The following CFAP221 variants were observed in gnomAD, a reference collection of about 807,000 sequenced individuals.
The protein encoded by CFAP221 is cilia and flagella associated protein 221.
In CFAP221, 97 loss-of-function variants were observed where a neutral mutation model predicts 113.1. The ratio of observed to expected loss-of-function variants is 0.86; its 90% CI spans 0.73 to 1.02. The LOEUF is 1.02. Among genes scored for constraint, CFAP221 ranks in the 50% least tolerant of loss-of-function variants. CFAP221 has a pLI of 0.00. For missense variants in CFAP221, 1,025 were observed against 1,013.4 expected (o/e 1.01, Z -0.16); for synonymous variants, 331 against 354.4 (o/e 0.93, Z 0.74).
chr2:119,572,846 C>A, intron 6 of CFAP221: 1 of 388,652 alleles, frequency 2.6e-6, no homozygotes, highest in Non-Finnish European at 4.6e-6. Context: ...GCTCTGTAGC[C>A]TGCAGGGCCA....
chr2:119,575,309 C>T (rs570407988), intron 6 of CFAP221, among the ~76,000 whole-genome samples: 19 of 152,236 alleles, frequency 1.2e-4, no homozygotes, highest in African/African-American at 2.4e-4. Context: ...GCCAGCTCGC[C>T]GTGTTCTCGG....
intron 12 of CFAP221, 109 bp from the exon 13 acceptor site, chr2:119,611,544 G>A (rs565468855): frequency 7.1e-6 from 6 of 844,994 alleles, no homozygotes; most frequent in South Asian, 3.5e-5. Context: ...CAATGGGAAC[G>A]TCGTGGGTGG....
chr2:119,628,131 C>G (rs895244489), intron 16 of CFAP221, among the ~76,000 whole-genome samples: 1 of 152,194 alleles, frequency 6.6e-6, no homozygotes, highest in Non-Finnish European at 1.5e-5. Context: ...GAGGCAGGCT[C>G]TGCTCAGCTT....
chr2:119,609,524 T>TA (rs1332167262), intron 12 of CFAP221, among the ~76,000 whole-genome samples: 3 of 152,148 alleles, frequency 2.0e-5, no homozygotes, highest in Non-Finnish European at 4.4e-5. Flanking sequence ...CTTCTCCTCA[T>TA]ATCTTCATGT....
At position 119,562,014 on chromosome 2, in the gene CFAP221, G is replaced by A; in HGVS notation, c.427G>A (p.Gly143Arg). 6.5e-7 allele frequency: 1 copy of A among 1,530,462 alleles called. No homozygotes were observed. Among genetic ancestry groups the A allele is most frequent in the Non-Finnish European group, 8.7e-7 (1 of 1,143,516 alleles). The allele number at this position is 1,530,462 out of a possible 1,614,324, so 94.8% of individuals were successfully genotyped here. A position where few individuals can be genotyped will look rare whatever the true frequency, so the allele number is the denominator to read the frequency against. The stretch of plus-strand genomic sequence containing the variant: ...CTTGACTTTTTCTGGTTAATTTTAG[G>A]GAGATGACACTTTGCTTGTTCCTAT... ...YYDCIRVHCK[G>R]DDTLLVPIHA... Residue 143 changes from glycine (G) to arginine (R), a missense_variant and splice_region_variant, in exon 6 of 24, where the codon GGA (glycine) becomes AGA (arginine). Gly to Arg is a moderately radical substitution (Grantham distance 125, BLOSUM62 -2). Coordinates refer to ENST00000413369, the MANE Select transcript of CFAP221 (RefSeq NM_001271049.2).
intron 7 of CFAP221, among the ~76,000 whole-genome samples, chr2:119,600,924 C>T (rs925270261): frequency 4.6e-5 from 7 of 152,142 alleles, no homozygotes; most frequent in African/African-American, 1.7e-4. Context: ...TTTTCTCTTC[C>T]TTATCATTTC....
intron 3 of CFAP221, among the ~76,000 whole-genome samples, chr2:119,551,688 G>A (rs1680444955): frequency 6.6e-6 from 1 of 152,148 alleles, no homozygotes; most frequent in Non-Finnish European, 1.5e-5. Flanking sequence ...GGAAGTGCGA[G>A]TCCTCCAGTT....
Position 119,646,935 on chromosome 2 carries a change from CTGCT to C in CFAP221, c.2226-20_2226-17del, listed in dbSNP as rs1687847506. 2 of 1,590,808 alleles carry C rather than the reference CTGCT, an allele frequency of 1.3e-6. No homozygotes were observed. Among genetic ancestry groups the C allele is most frequent in the African/African-American group, 2.7e-5 (2 of 74,112 alleles). ...ACTTCTAGTGTGACTCTATCTTTGA[CTGCT>C]TGTGTGGTTTTTCCACAGCTGCGAT... On this transcript the variant is annotated intron_variant, in intron 21 of 23. Transcript: ENST00000413369.
intron 2 of CFAP221, among the ~76,000 whole-genome samples, chr2:119,548,798 G>A (rs1359574918): frequency 6.6e-6 from 1 of 152,192 alleles, no homozygotes; most frequent in Non-Finnish European, 1.5e-5. Flanking sequence ...ACAAAGATGT[G>A]TACAAAATGT....
At chr2:119,606,169 A>ATTT (rs750381470) in intron 11 of CFAP221, among the ~76,000 whole-genome samples, 1 of 131,852 alleles carries the variant, frequency 7.6e-6, no homozygotes, top group Non-Finnish European at 1.7e-5. Context: ...ATGCCCAGCA[A>ATTT]ATTTTTTTTT....
intron 21 of CFAP221, among the ~76,000 whole-genome samples, chr2:119,643,080 T>C (rs1029584182): frequency 6.6e-6 from 1 of 152,162 alleles, no homozygotes; most frequent in African/African-American, 2.4e-5. Flanking sequence ...TGTGAGCCAC[T>C]GCACCTGGCC....
intron 6 of CFAP221, among the ~76,000 whole-genome samples, chr2:119,574,798 A>G (rs1376775728): frequency 2.0e-5 from 3 of 152,234 alleles, no homozygotes; most frequent in Non-Finnish European, 4.4e-5. Flanking sequence ...TAGAGTAACT[A>G]CCAACCCATT....
intron 19 of CFAP221, among the ~76,000 whole-genome samples, chr2:119,631,401 C>A (rs558879284): frequency 6.6e-6 from 1 of 152,312 alleles, no homozygotes; most frequent in African/African-American, 2.4e-5. Context: ...AGGCCGGGCA[C>A]AGTGGCTCAT....
At chr2:119,574,552 C>T (rs1247040790) in intron 6 of CFAP221, among the ~76,000 whole-genome samples, 1 of 152,088 alleles carries the variant, frequency 6.6e-6, no homozygotes, top group Admixed American at 6.5e-5. Context: ...GGAGAGACAC[C>T]CCTACATTGA....
intron 6 of CFAP221, among the ~76,000 whole-genome samples, chr2:119,564,630 G>A (rs1052017307): frequency 3.9e-5 from 6 of 152,188 alleles, no homozygotes; most frequent in South Asian, 2.1e-4. Context: ...GAATCCTACC[G>A]TGTAAGTTCT....
intron 5 of CFAP221, 110 bp from the exon 6 acceptor site, chr2:119,561,904 G>A (rs1479297868): frequency 6.4e-6 from 5 of 779,706 alleles, no homozygotes; most frequent in Non-Finnish European, 1.0e-5. Flanking sequence ...AGTTTCTTAA[G>A]GAAATATTTT....
At chr2:119,623,254 C>T (rs1352265800) in intron 14 of CFAP221, among the ~76,000 whole-genome samples, 5 of 152,166 alleles carry the variant, frequency 3.3e-5, no homozygotes, top group African/African-American at 1.2e-4. Flanking sequence ...CATGAGTGAA[C>T]TCCCATTCAC....
At chr2:119,644,950 AC>A (rs1687707263) in intron 21 of CFAP221, among the ~76,000 whole-genome samples, 1 of 151,236 alleles carries the variant, frequency 6.6e-6, no homozygotes. Flanking sequence ...ATCCATAACC[AC>A]CTTAATAAAC....
chr2:119,628,110 C>T (rs1686468638), intron 16 of CFAP221, among the ~76,000 whole-genome samples: 1 of 152,206 alleles, frequency 6.6e-6, no homozygotes, highest in Admixed American at 6.5e-5. Flanking sequence ...GAGGGCCCCA[C>T]CTGGCCCAGG....
Sources: allele counts gnomAD v4.1 joint callset (sites outside exome capture counted in the v4.1 genomes callset), GRCh38; gene constraint gnomAD v4.1.1; transcripts MANE v1.5; gene names NCBI Gene and HGNC (gene_info 2026-07-23, HGNC 2026-07-21).